The following LRRC56 variants were observed in gnomAD, a reference collection of about 807,000 sequenced individuals.
LRRC56 encodes leucine rich repeat containing 56.
In LRRC56, 41 loss-of-function variants were observed where a neutral mutation model predicts 47.8. The observed-to-expected ratio is 0.86, with a 90% CI of 0.67 to 1.11. The LOEUF (loss-of-function observed/expected upper bound fraction) is 1.11. Ranked by LOEUF, LRRC56 falls within the 50% of genes most tolerant of loss-of-function variation. The pLI, the probability that LRRC56 is intolerant of heterozygous loss-of-function variation, is 0.00. For synonymous variants in LRRC56, 387 were observed against 311.2 expected (o/e 1.24, Z -2.56); for missense variants, 759 against 704.2 (o/e 1.08, Z -0.88).
At chr11:533,713 G>T (rs926729312), upstream of LRRC56, 61 of 1,610,174 alleles carry the variant, frequency 3.8e-5, no homozygotes, top group Non-Finnish European at 4.8e-5. Flanking sequence ...GACGCAGCCG[G>T]CCTGGCCCCA....
chr11:533,216 G>A, upstream of LRRC56: 3 of 1,407,992 alleles, frequency 2.1e-6, no homozygotes, highest in South Asian at 2.5e-5. Context: ...AGGACTGCAG[G>A]GCGTGAGCCC....
upstream of LRRC56, chr11:534,239 A>C: frequency 6.2e-7 from 1 of 1,613,644 alleles, no homozygotes; most frequent in Non-Finnish European, 8.5e-7. Flanking sequence ...ATTCGTCCAC[A>C]AAATGGTTCT....
intron 13 of LRRC56, 31 bp downstream of exon 13, chr11:552,733 C>G (rs1333726336): frequency 6.4e-7 from 1 of 1,569,572 alleles, no homozygotes. Flanking sequence ...CCCCCCAGTG[C>G]CTGGGAGTGA....
upstream of LRRC56, among the ~76,000 whole-genome samples, chr11:534,943 C>T (rs942807127): frequency 1.3e-5 from 2 of 152,240 alleles, 1 homozygote; most frequent in Non-Finnish European, 2.9e-5. Flanking sequence ...AGAGGAGCTC[C>T]TGGGAAGCAG....
Position 544,689 on chromosome 11 carries a change from G to A in LRRC56, c.266-31G>A, listed in dbSNP as rs183343093. ...GCAGAGGTGGGCGGGGTGAGGGGCC[G>A]GGCCAACCTCCTCCTCCTGTGGCCA... On this transcript the variant is annotated intron_variant, in intron 5 of 13. Transcript: ENST00000270115. 3.3e-4 allele frequency: 533 copies of A among 1,611,410 alleles called. 2 individuals are homozygous for A. In the East Asian group the frequency reaches 0.01, roughly 31 times the overall value.
the LRRC56 span, among the ~76,000 whole-genome samples, chr11:520,470 C>G: frequency 6.6e-6 from 1 of 151,948 alleles, no homozygotes; most frequent in Non-Finnish European, 1.5e-5. Flanking sequence ...ACGTGCGCCA[C>G]CACGTCCGGC....
the LRRC56 span, among the ~76,000 whole-genome samples, chr11:510,798 A>G: frequency 2.0e-5 from 3 of 151,968 alleles, no homozygotes; most frequent in Admixed American, 2.0e-4. Flanking sequence ...AATCCCAGCT[A>G]CTTGGGAGGC....
chr11:546,259 C>T (rs1186839484), intron 6 of LRRC56, among the ~76,000 whole-genome samples: 4 of 151,150 alleles, frequency 2.6e-5, no homozygotes, highest in Admixed American at 6.6e-5. Context: ...GGCAACAGAG[C>T]GAAACTCTGC....
the LRRC56 span, among the ~76,000 whole-genome samples, chr11:517,956 T>C: frequency 6.6e-6 from 1 of 152,192 alleles, no homozygotes; most frequent in Non-Finnish European, 1.5e-5. Context: ...GTTAAACAGA[T>C]GCTTGGAGGC....
At chr11:552,761 T>C (rs1589820029) in intron 13 of LRRC56, 59 bp downstream of exon 13, 6 of 1,461,460 alleles carry the variant, frequency 4.1e-6, no homozygotes, top group South Asian at 2.6e-5. Flanking sequence ...CCCACTTCTA[T>C]AGGGGGGCCC....
intron 5 of LRRC56, among the ~76,000 whole-genome samples, chr11:542,604 A>AAAAAAAAAAAAAAAAAAAAAAAAAAAAC: frequency 6.8e-6 from 1 of 148,032 alleles, no homozygotes; most frequent in African/African-American, 2.5e-5. Flanking sequence ...AAAAAAAAAA[A>AAAAAAAAAAAAAAAAAAAAAAAAAAAAC]CACTCCCTCC....
At chr11:542,369 GGGAGTCCAAGGTGGAT>G in intron 5 of LRRC56, among the ~76,000 whole-genome samples, 1 of 152,094 alleles carries the variant, frequency 6.6e-6, no homozygotes, top group African/African-American at 2.4e-5. Context: ...CCAGCACCGT[GGGAGTCCAAGGTGGAT>G]GGATCACTTG....
intron 13 of LRRC56, 107 bp downstream of exon 13, chr11:552,809 C>A: frequency 1.0e-6 from 1 of 954,764 alleles, no homozygotes; most frequent in South Asian, 1.7e-5. Context: ...GCCCTGCTTC[C>A]TCAGCCATGC....
chr11:545,237 C>G (rs978559465), intron 6 of LRRC56, among the ~76,000 whole-genome samples: 1 of 152,222 alleles, frequency 6.6e-6, no homozygotes, highest in African/African-American at 2.4e-5. Context: ...GTCGTGTGGC[C>G]AGCAAACTCC....
chr11:511,733 G>C, the LRRC56 span, among the ~76,000 whole-genome samples: 2 of 152,216 alleles, frequency 1.3e-5, no homozygotes, highest in Admixed American at 6.5e-5. Context: ...TCAGGGCCCA[G>C]GCGTGACCCT....
chr11:523,625 TAAA>T, the LRRC56 span, among the ~76,000 whole-genome samples: 2 of 133,042 alleles, frequency 1.5e-5, no homozygotes. Context: ...AGACTCCATC[TAAA>T]AAAAAAAAAG....
At chr11:542,591 A>AAAAAAAAAAAAAAC (rs1851852570) in intron 5 of LRRC56, among the ~76,000 whole-genome samples, 1 of 148,336 alleles carries the variant, frequency 6.7e-6, no homozygotes, top group Non-Finnish European at 1.5e-5. Context: ...AAAAAAAAAA[A>AAAAAAAAAAAAAAC]AAAAAAAAAA....
chr11:535,340 G>T (rs1851421355), upstream of LRRC56: 1 of 142,492 alleles, frequency 7.0e-6, no homozygotes, highest in Non-Finnish European at 1.5e-5. Context: ...CCGCGCCCCC[G>T]GCCCGCGCCG....
chr11:549,455 AAGCTGCC>A (rs1454171846), intron 6 of LRRC56, among the ~76,000 whole-genome samples: 3 of 152,152 alleles, frequency 2.0e-5, no homozygotes, highest in African/African-American at 7.2e-5. Context: ...GTCCCCACAA[AAGCTGCC>A]AGCTCAGCAC....
Sources: allele counts gnomAD v4.1 joint callset (sites outside exome capture counted in the v4.1 genomes callset), GRCh38; gene constraint gnomAD v4.1.1; transcripts MANE v1.5; gene names NCBI Gene and HGNC (gene_info 2026-07-23, HGNC 2026-07-21).